Variants in PALM2AKAP2 observed in about 807,000 individuals in gnomAD.
PALM2AKAP2 encodes PALM2-AKAP2 fusion protein.
PALM2AKAP2 carries 37 observed loss-of-function variants against 71.5 expected under a neutral mutation model. That is an observed-to-expected ratio of 0.52 (90% CI 0.40 to 0.68). The LOEUF (loss-of-function observed/expected upper bound fraction) is 0.68, where lower values mean the gene tolerates loss of function less well. Among genes scored for constraint, PALM2AKAP2 ranks in the 30% least tolerant of loss-of-function variants. PALM2AKAP2 has a pLI of 0.00. For synonymous variants in PALM2AKAP2, 468 were observed against 478.8 expected (o/e 0.98, Z 0.29); for missense variants, 1,224 against 1,191.8 (o/e 1.03, Z -0.40).
chr9:109,736,616 A>T (rs1828639125), intron 1 of PALM2AKAP2, among the ~76,000 whole-genome samples: 1 of 151,876 alleles, frequency 6.6e-6, no homozygotes, highest in South Asian at 2.1e-4. Flanking sequence ...TTAAGTTTTT[A>T]TGTATTTAGG....
In PALM2AKAP2 at chr9:110,084,020, G is replaced by A. The variant is rs140944969; in HGVS notation, c.156+35165G>A. On this transcript the variant is annotated intron_variant, in intron 1 of 3. Transcript: ENST00000374525. ...CTAGGGCGGGAACTCCCAGCTGACC[G>A]CTGTGCTCCTGAAGCATGCCAGAGG... 1.4e-3 allele frequency among the ~76,000 whole-genome samples: 209 copies of A among 152,334 alleles called. 1 individual carries two copies. The highest frequency in any genetic ancestry group is 4.9e-3 in the African/African-American group (205 of 41,568).
chr9:109,790,288 C>T (rs572999826), intron 1 of PALM2AKAP2, among the ~76,000 whole-genome samples: 7 of 151,516 alleles, frequency 4.6e-5, no homozygotes, highest in African/African-American at 1.7e-4. Context: ...TTACTTTTTT[C>T]CTGGAAAAAA....
chr9:110,122,853 G>A (rs1835518757), intron 1 of PALM2AKAP2, among the ~76,000 whole-genome samples: 1 of 152,178 alleles, frequency 6.6e-6, no homozygotes, highest in South Asian at 2.1e-4. Flanking sequence ...ACACTTAAAG[G>A]GTGTAGAGGT....
At chr9:109,652,886 C>T (rs1393644118) in intron 1 of PALM2AKAP2, among the ~76,000 whole-genome samples, 1 of 152,166 alleles carries the variant, frequency 6.6e-6, no homozygotes, top group Non-Finnish European at 1.5e-5. Flanking sequence ...GGCACATAGC[C>T]TTGGGGCAGG....
chr9:110,172,009 A>G (rs1201216621), exon 4 of PALM2AKAP2: 1 of 152,662 alleles, frequency 6.6e-6, no homozygotes, highest in Non-Finnish European at 1.5e-5. Context: ...AGACAATGAC[A>G]TATAAGCCGT....
chr9:110,032,760 AAAAAAAAT>A (rs1243057723), intron 7 of PALM2AKAP2, among the ~76,000 whole-genome samples: 7 of 111,678 alleles, frequency 6.3e-5, no homozygotes, highest in African/African-American at 1.7e-4. Flanking sequence ...ATAAAAAAAC[AAAAAAAAT>A]AAAAAAATAA....
chr9:109,971,488 C>T (rs545032206), intron 6 of PALM2AKAP2, among the ~76,000 whole-genome samples: 15 of 151,894 alleles, frequency 9.9e-5, no homozygotes, highest in African/African-American at 2.2e-4. Context: ...TGCAATGGAC[C>T]GGTCTTGACT....
chr9:109,930,165 A>G (rs543191255), intron 5 of PALM2AKAP2, among the ~76,000 whole-genome samples: 1 of 152,138 alleles, frequency 6.6e-6, no homozygotes, highest in East Asian at 1.9e-4. Flanking sequence ...ACTCCACCCT[A>G]AGTCCTGCTG....
chr9:109,923,620 A>G, intron 3 of PALM2AKAP2, 115 bp from the exon 4 acceptor site: 1 of 1,133,360 alleles, frequency 8.8e-7, no homozygotes, highest in Admixed American at 3.1e-5. Flanking sequence ...CCTCAGCGTA[A>G]TGTAAAACAA....
chr9:110,096,958 TTATTA>T (rs1337734320), intron 1 of PALM2AKAP2, among the ~76,000 whole-genome samples: 10 of 124,794 alleles, frequency 8.0e-5, no homozygotes, highest in African/African-American at 2.9e-4. Context: ...ATTTATTTAT[TTATTA>T]TTTTTTTTAT....
chr9:109,850,006 T>G (rs1387287807), intron 1 of PALM2AKAP2, among the ~76,000 whole-genome samples: 1 of 152,144 alleles, frequency 6.6e-6, no homozygotes, highest in Non-Finnish European at 1.5e-5. Context: ...AGAACAGGTG[T>G]ACCCCAGGGA....
intron 3 of PALM2AKAP2, 75 bp downstream of exon 9, chr9:110,156,572 G>A: frequency 6.8e-7 from 1 of 1,471,760 alleles, no homozygotes; most frequent in Admixed American, 2.3e-5. Context: ...TCCAGTTCAG[G>A]CACAAATGTG....
intron 1 of PALM2AKAP2, among the ~76,000 whole-genome samples, chr9:109,750,571 C>CGT (rs111708702): frequency 0.013 from 1,851 of 147,282 alleles, 21 homozygotes; most frequent in Middle Eastern, 0.017. Flanking sequence ...TGCCCTAGGA[C>CGT]GTGTGTGTGT....
chr9:109,751,736 G>T (rs1399467447), intron 1 of PALM2AKAP2, among the ~76,000 whole-genome samples: 5 of 152,064 alleles, frequency 3.3e-5, no homozygotes, highest in African/African-American at 1.2e-4. Context: ...GGAATTTCTG[G>T]CCGTTCAAAA....
At chr9:109,678,044 G>T (rs1437597209) in intron 1 of PALM2AKAP2, among the ~76,000 whole-genome samples, 2 of 152,148 alleles carry the variant, frequency 1.3e-5, no homozygotes, top group Admixed American at 1.3e-4. Flanking sequence ...AAGGAGGGGG[G>T]AAAACAATTG....
At chr9:110,136,304 A>G (rs774906675) in exon 2 of PALM2AKAP2, 2 of 1,614,140 alleles carry the variant, frequency 1.2e-6, no homozygotes, top group Non-Finnish European at 1.7e-6. Context: ...CCCACATCCC[A>G]TGGACCATCC....
chr9:110,047,586 A>T (rs1454939106), upstream of PALM2AKAP2, among the ~76,000 whole-genome samples: 1 of 152,188 alleles, frequency 6.6e-6, no homozygotes, highest in Non-Finnish European at 1.5e-5. Context: ...CCTAGGGTGG[A>T]AACCTAACTG....
At chr9:109,663,665 T>C (rs1396536043) in intron 1 of PALM2AKAP2, among the ~76,000 whole-genome samples, 1 of 152,218 alleles carries the variant, frequency 6.6e-6, no homozygotes, top group Non-Finnish European at 1.5e-5. Flanking sequence ...TATATTCTGT[T>C]GATTTGGGGT....
Position 109,701,318 on chromosome 9 carries a change from G to A in PALM2AKAP2, c.5+60452G>A, listed in dbSNP as rs563172564. On this transcript the variant is annotated intron_variant, in intron 1 of 6. Transcript: ENST00000374531. ...CTAAGCCAAAAGAACAAAGCTGGAG[G>A]CATCACACTACCTGACTTCAAACTA... Among the ~76,000 whole-genome samples the A allele has an allele frequency of 7.2e-5, 11 of 152,242 alleles. No homozygotes were observed. In the East Asian group the frequency reaches 2.1e-3, roughly 29 times the overall value.
Sources: gnomAD v4.1 joint callset for allele counts (sites outside exome capture counted in the v4.1 genomes callset) on GRCh38, gnomAD v4.1.1 for gene constraint, MANE v1.5 for transcripts, NCBI Gene and HGNC (gene_info 2026-07-23, HGNC 2026-07-21) for gene names.